Variants in ZMAT4 observed in about 807,000 individuals in gnomAD.
ZMAT4 encodes zinc finger matrin-type protein 4.
ZMAT4 carries 17 observed loss-of-function variants against 28.7 expected under a neutral mutation model. The observed-to-expected ratio is 0.59, with a 90% CI of 0.41 to 0.89. The LOEUF is 0.89. Ranked by LOEUF, ZMAT4 falls within the 40% of genes least tolerant of loss-of-function variation. The probability of loss-of-function intolerance (pLI) is 0.00; values close to 1 mark genes in which losing one functional copy is unlikely to be tolerated. For synonymous variants in ZMAT4, 117 were observed against 109.2 expected, an observed-to-expected ratio of 1.07 and a Z score of -0.44; for missense variants, 240 against 283.8, an observed-to-expected ratio of 0.85 and a Z score of 1.11.
intron 3 of ZMAT4, among the ~76,000 whole-genome samples, chr8:40,730,639 G>C (rs1178561011): frequency 6.6e-6 from 1 of 152,170 alleles, no homozygotes; most frequent in Non-Finnish European, 1.5e-5. Context: ...GTCTGAGTGG[G>C]ATTGACATAG....
At chr8:40,628,330 GAAT>G (rs1350410456) in intron 5 of ZMAT4, among the ~76,000 whole-genome samples, 2 of 152,206 alleles carry the variant, frequency 1.3e-5, no homozygotes, top group Admixed American at 6.5e-5. Flanking sequence ...TGTTAACACT[GAAT>G]AATATTTTGG....
At chr8:40,566,879 T>C (rs1803940880) in intron 6 of ZMAT4, among the ~76,000 whole-genome samples, 1 of 152,050 alleles carries the variant, frequency 6.6e-6, no homozygotes, top group Non-Finnish European at 1.5e-5. Flanking sequence ...CAGTGGAAAG[T>C]TGTCAGAAAA....
At chr8:40,767,139 C>T (rs1813192814) in intron 3 of ZMAT4, among the ~76,000 whole-genome samples, 1 of 152,190 alleles carries the variant, frequency 6.6e-6, no homozygotes, top group Non-Finnish European at 1.5e-5. Context: ...CTTGTCTTCC[C>T]AAGCAAATGT....
At chr8:40,720,148 T>G (rs1425463092) in intron 3 of ZMAT4, among the ~76,000 whole-genome samples, 1 of 152,210 alleles carries the variant, frequency 6.6e-6, no homozygotes, top group Admixed American at 6.5e-5. Context: ...TGTTATTTAG[T>G]CTCAGAAATT....
intron 2 of ZMAT4, among the ~76,000 whole-genome samples, chr8:40,789,876 A>C (rs2150577915): frequency 6.6e-6 from 1 of 152,330 alleles, no homozygotes; most frequent in South Asian, 2.1e-4. Context: ...GAACAGCCAG[A>C]ATATAATGAG....
chr8:40,759,062 T>A (rs946565150), intron 3 of ZMAT4, among the ~76,000 whole-genome samples: 1 of 151,986 alleles, frequency 6.6e-6, no homozygotes, highest in African/African-American at 2.4e-5. Flanking sequence ...GGTGGGCAGA[T>A]CATGAGGTCA....
At chr8:40,841,995 G>A (rs999956635) in intron 1 of ZMAT4, among the ~76,000 whole-genome samples, 2 of 152,192 alleles carry the variant, frequency 1.3e-5, no homozygotes, top group Non-Finnish European at 2.9e-5. Context: ...AGCCAAGGGA[G>A]GAGCTCCACT....
chr8:40,756,874 T>TA (rs1812720968), intron 3 of ZMAT4, among the ~76,000 whole-genome samples: 1 of 152,152 alleles, frequency 6.6e-6, no homozygotes, highest in Admixed American at 6.5e-5. Flanking sequence ...GGTGATCTGT[T>TA]AGCACTGAGC....
Position 40,647,066 on chromosome 8 carries a change from G to A in ZMAT4, c.577+27638C>T, listed in dbSNP as rs577306053. Among the ~76,000 whole-genome samples the A allele has an allele frequency of 3.3e-5, 5 of 152,300 alleles. No homozygotes were observed. The East Asian group carries it at 9.7e-4, about 29-fold the overall frequency. ...AAAAAGAAATTTGAGAGTCTGGGGG[G>A]AGGAGCCAAGATGGCCTAATAGGAA... On this transcript the variant is annotated intron_variant, in intron 5 of 6. Transcript: ENST00000297737.
At chr8:40,534,879 T>C (rs1353452085) in intron 6 of ZMAT4, among the ~76,000 whole-genome samples, 2 of 151,978 alleles carry the variant, frequency 1.3e-5, no homozygotes, top group Non-Finnish European at 2.9e-5. Context: ...TACAGGGTTT[T>C]GCCATGTTGG....
chr8:40,761,448 A>G (rs1339426755), intron 3 of ZMAT4, among the ~76,000 whole-genome samples: 1 of 152,096 alleles, frequency 6.6e-6, no homozygotes, highest in African/African-American at 2.4e-5. Context: ...GCGCCCCGTC[A>G]TGGTACAAAT....
chr8:40,897,150 G>A (rs911792523), intron 1 of ZMAT4, among the ~76,000 whole-genome samples: 4 of 152,058 alleles, frequency 2.6e-5, no homozygotes, highest in African/African-American at 9.6e-5. Flanking sequence ...CCCACCCCGG[G>A]GAATGTCTCC....
intron 5 of ZMAT4, among the ~76,000 whole-genome samples, chr8:40,653,920 G>C (rs1349746538): frequency 6.6e-6 from 1 of 152,178 alleles, no homozygotes; most frequent in Non-Finnish European, 1.5e-5. Context: ...ATAAGTTGCT[G>C]TCATATAAAT....
At position 40,847,379 on chromosome 8, in the gene ZMAT4, A is replaced by G. The variant is rs376087858; in HGVS notation, c.-4-21699T>C. 3.3e-5 allele frequency among the ~76,000 whole-genome samples: 5 copies of G among 152,286 alleles called. 1 individual carries two copies. Among genetic ancestry groups the G allele is most frequent in the African/African-American group, 1.2e-4 (5 of 41,562 alleles). ...GTGTTACCCAGGAAAGCGCTCCTCA[A>G]ACCACAATGTCTACATGATGTCAGG... On this transcript the variant is annotated intron_variant, in intron 1 of 6. Coordinates refer to ENST00000297737, the MANE Select transcript of ZMAT4 (RefSeq NM_024645.3).
intron 5 of ZMAT4, among the ~76,000 whole-genome samples, chr8:40,663,818 G>T (rs1352423226): frequency 2.6e-5 from 4 of 152,024 alleles, no homozygotes; most frequent in Admixed American, 6.6e-5. Flanking sequence ...GTGTTTAAGG[G>T]TCCTATTTTC....
chr8:40,895,234 G>C (rs1818828713), intron 1 of ZMAT4, among the ~76,000 whole-genome samples: 1 of 152,180 alleles, frequency 6.6e-6, no homozygotes, highest in Non-Finnish European at 1.5e-5. Flanking sequence ...CAGGGTCCTG[G>C]CCAAAGCCAT....
rs147100500 is a variant in ZMAT4 at position 40,591,235 on chromosome 8, A to G, written c.578-9974T>C. On this transcript the variant is annotated intron_variant, in intron 5 of 6. Coordinates refer to ENST00000297737, the MANE Select transcript of ZMAT4 (RefSeq NM_024645.3). Reference sequence around the variant, plus strand: ...TCATGTATGAAGGTGGTGTAGGTAAAGAGAAGGAAGTTCCAGAGTGTGAAA... The same window carrying G: ...TCATGTATGAAGGTGGTGTAGGTAAGGAGAAGGAAGTTCCAGAGTGTGAAA... 6.6e-3 allele frequency among the ~76,000 whole-genome samples: 1,000 copies of G among 152,308 alleles called. 4 individuals are homozygous for G. Among genetic ancestry groups the G allele is most frequent in the Non-Finnish European group, 9.5e-3 (645 of 68,028 alleles).
chr8:40,557,433 A>G (rs1803581543), intron 6 of ZMAT4, among the ~76,000 whole-genome samples: 2 of 152,040 alleles, frequency 1.3e-5, no homozygotes, highest in Admixed American at 6.5e-5. Flanking sequence ...TTCTAGTACT[A>G]TTTTAAAGAT....
intron 4 of ZMAT4, among the ~76,000 whole-genome samples, chr8:40,690,410 G>A (rs1809610087): frequency 6.6e-6 from 1 of 152,194 alleles, no homozygotes. Context: ...GCTTAGAAAA[G>A]CCAAAACATC....
Sources: allele counts gnomAD v4.1 joint callset (sites outside exome capture counted in the v4.1 genomes callset), GRCh38; gene constraint gnomAD v4.1.1; transcripts MANE v1.5; gene names NCBI Gene and HGNC (gene_info 2026-07-23, HGNC 2026-07-21).